Variants in ALKBH1 observed in about 807,000 individuals in gnomAD.
ALKBH1 encodes the protein alkB homolog 1, histone H2A dioxygenase.
A neutral mutation model predicts 36.6 loss-of-function variants in ALKBH1; 31 were observed. The ratio of observed to expected loss-of-function variants is 0.85; its 90% CI spans 0.64 to 1.14. The LOEUF (loss-of-function observed/expected upper bound fraction) is 1.14, where lower values mean the gene tolerates loss of function less well. ALKBH1 is among the 50% of genes most tolerant of loss of function. The pLI, the probability that ALKBH1 is intolerant of heterozygous loss-of-function variation, is 0.00. For missense variants in ALKBH1, 490 were observed against 497.3 expected (o/e 0.99, Z 0.14); for synonymous variants, 183 against 186.6 (o/e 0.98, Z 0.16).
rs1378332996 is a variant in ALKBH1, at chr14:77,707,952, G to T, written c.53C>A (p.Pro18His). Residue 18 changes from proline (P) to histidine (H), a missense_variant, in exon 1 of 6, where the codon CCC becomes CAC. Physicochemically the swap from Pro to His is moderately conservative, Grantham distance 77 (BLOSUM62 -2). Transcript: ENST00000216489. ...VGSVATLATE[P>H]GEDAFRKLFR... ...AAGTTTCCGAAAGGCGTCCTCCCCG[G>T]GCTCAGTCGCCAGAGTCGCCACAGA... 1 of 1,613,254 alleles carries T rather than the reference G, an allele frequency of 6.2e-7. No homozygotes were observed. Among genetic ancestry groups the T allele is most frequent in the East Asian group, 2.2e-5 (1 of 44,882 alleles).
intron 3 of ALKBH1, chr14:77,683,176 ACAGT>A (rs2080248252): frequency 1.8e-6 from 1 of 543,254 alleles, no homozygotes; most frequent in African/African-American, 2.0e-5. Flanking sequence ...TTTTTTACAA[ACAGT>A]CCAGGGGTAT....
intron 2 of ALKBH1, chr14:77,696,759 A>G (rs2080329446): frequency 6.6e-6 from 1 of 152,376 alleles, no homozygotes; most frequent in African/African-American, 2.4e-5. Flanking sequence ...CAGTCAGATA[A>G]AGACCAAATA....
chr14:77,707,926 A>G lies in ALKBH1; in HGVS notation c.79T>C (p.Phe27Leu). 1.2e-6 allele frequency: 2 copies of G among 1,613,286 alleles called. No homozygotes were observed. Among genetic ancestry groups the G allele is most frequent in the East Asian group, 4.5e-5 (2 of 44,860 alleles). The change falls in exon 1 of 6, where the codon TTC (phenylalanine) becomes CTC (leucine). Residue 27 changes from phenylalanine (F) to leucine (L), a missense_variant. By Grantham distance (22) the Phe-to-Leu change is conservative. Transcript: ENST00000216489. ...EPGEDAFRKLFRFYRQSRPGT... is the reference protein window; with the variant it reads ...EPGEDAFRKLLRFYRQSRPGT... ...GGCCGGCTCTGACGGTAGAAGCGGA[A>G]AAGTTTCCGAAAGGCGTCCTCCCCG...
chr14:77,684,091 T>C (rs2080254279), intron 3 of ALKBH1: 1 of 152,270 alleles, frequency 6.6e-6, no homozygotes, highest in African/African-American at 2.4e-5. Flanking sequence ...AGAACCCACT[T>C]AATTTTTGCC....
chr14:77,696,237 G>A (rs142868423), intron 2 of ALKBH1, among the ~76,000 whole-genome samples: 1 of 152,194 alleles, frequency 6.6e-6, no homozygotes, highest in African/African-American at 2.4e-5. Context: ...TGCCCAGGCT[G>A]GAGAACAGTG....
intron 3 of ALKBH1, among the ~76,000 whole-genome samples, chr14:77,686,215 C>A (rs1412615321): frequency 5.3e-5 from 8 of 152,060 alleles, no homozygotes; most frequent in Non-Finnish European, 1.2e-4. Flanking sequence ...AATAGTAAGA[C>A]CAAAACCATT....
chr14:77,692,396 G>A (rs565810459), intron 3 of ALKBH1, among the ~76,000 whole-genome samples: 1 of 150,856 alleles, frequency 6.6e-6, no homozygotes, highest in Non-Finnish European at 1.5e-5. Context: ...ATGGAGTGGG[G>A]ATGGGGGGTG....
chr14:77,693,780 G>T (rs558191886), intron 3 of ALKBH1, among the ~76,000 whole-genome samples: 1 of 152,098 alleles, frequency 6.6e-6, no homozygotes, highest in East Asian at 1.9e-4. Context: ...TTGAGGTCAG[G>T]AATTGAGACC....
chr14:77,677,955 T>C (rs1452395308), intron 4 of ALKBH1, among the ~76,000 whole-genome samples: 3 of 152,266 alleles, frequency 2.0e-5, no homozygotes, highest in South Asian at 4.1e-4. Flanking sequence ...CTTTTTCTTT[T>C]AAAGTTCTCT....
chr14:77,673,094 A>G lies in ALKBH1; in HGVS notation c.*718T>C, dbSNP rs2080185191. The G allele has an allele frequency of 6.6e-6, 1 of 152,202 alleles. No individual in the cohort carries two copies. Among genetic ancestry groups the G allele is most frequent in the Non-Finnish European group, 1.5e-5 (1 of 68,038 alleles). 9.4% of individuals were successfully genotyped at this position (152,202 alleles called of 1,614,324 possible). A position where few individuals can be genotyped will look rare whatever the true frequency, so the allele number is the denominator to read the frequency against. The stretch of plus-strand genomic sequence containing the variant: ...TTCATGGAGAAAACAGTAACAAAAC[A>G]CCCTTGGGACTTTTTTATTCCAACA... On this transcript the variant is annotated 3_prime_UTR_variant, in exon 6 of 6. Transcript: ENST00000216489.
chr14:77,701,080 G>A (rs2080356987), intron 2 of ALKBH1, among the ~76,000 whole-genome samples: 1 of 152,092 alleles, frequency 6.6e-6, no homozygotes, highest in South Asian at 2.1e-4. Flanking sequence ...GTGACAGAAT[G>A]AGACCCTGTC....
intron 3 of ALKBH1, chr14:77,683,199 C>T: frequency 1.5e-6 from 1 of 660,814 alleles, no homozygotes; most frequent in Non-Finnish European, 2.8e-6. Context: ...ATTTTAACAC[C>T]TATTATGCTA....
At chr14:77,683,121 A>T (rs2080247335) in intron 3 of ALKBH1, 7 of 532,344 alleles carry the variant, frequency 1.3e-5, no homozygotes, top group Non-Finnish European at 2.3e-5. Flanking sequence ...CAGAGTGCTA[A>T]GTGAGGCATC....
At chr14:77,685,956 C>T (rs2080266128) in intron 3 of ALKBH1, among the ~76,000 whole-genome samples, 1 of 151,998 alleles carries the variant, frequency 6.6e-6, no homozygotes, top group Admixed American at 6.6e-5. Context: ...ATTTTTGTAA[C>T]GTATTAGACC....
chr14:77,675,864 G>C lies in ALKBH1; in HGVS notation c.547-15C>G. 6.3e-7 allele frequency: 1 copy of C among 1,589,610 alleles called. No individual in the cohort carries two copies. The highest frequency in any genetic ancestry group is 8.6e-7 in the Non-Finnish European group (1 of 1,158,568). Reference sequence around the variant, plus strand: ...GCTGAGTATTTCTTTGGTAAATGTAGAGAGAATAAGAAAAATAAACAATGA... The same window carrying C: ...GCTGAGTATTTCTTTGGTAAATGTACAGAGAATAAGAAAAATAAACAATGA... On this transcript the variant is annotated splice_polypyrimidine_tract_variant and intron_variant, in intron 4 of 5. Transcript: ENST00000216489.
chr14:77,695,028 G>T (rs17106199), intron 2 of ALKBH1, 128 bp from the exon 3 acceptor site: 1 of 696,978 alleles, frequency 1.4e-6, no homozygotes, highest in Non-Finnish European at 2.1e-6. Flanking sequence ...CATGCTTCAA[G>T]TTAATGAACA....
At chr14:77,695,524 G>A (rs2080322128) in intron 2 of ALKBH1, among the ~76,000 whole-genome samples, 1 of 152,182 alleles carries the variant, frequency 6.6e-6, no homozygotes, top group Non-Finnish European at 1.5e-5. Context: ...ACTAGAATCA[G>A]CCTCATTATG....
At chr14:77,698,829 A>T (rs1231533237) in intron 2 of ALKBH1, among the ~76,000 whole-genome samples, 1 of 152,058 alleles carries the variant, frequency 6.6e-6, no homozygotes, top group Non-Finnish European at 1.5e-5. Context: ...GCTCACTGCC[A>T]CCTCCACCTC....
At chr14:77,684,545 G>T (rs994020495) in intron 3 of ALKBH1, among the ~76,000 whole-genome samples, 1 of 152,002 alleles carries the variant, frequency 6.6e-6, no homozygotes, top group African/African-American at 2.4e-5. Context: ...ATTTTTAGTA[G>T]AGATGAGGTT....
Sources: gnomAD v4.1 joint callset for allele counts (sites outside exome capture counted in the v4.1 genomes callset) on GRCh38, gnomAD v4.1.1 for gene constraint, MANE v1.5 for transcripts, NCBI Gene and HGNC (gene_info 2026-07-23, HGNC 2026-07-21) for gene names.